CHRNA4: variants seen among roughly 807,000 people sequenced by gnomAD.
CHRNA4 encodes the protein neuronal acetylcholine receptor subunit alpha-4.
In CHRNA4, 28 loss-of-function variants were observed where a neutral mutation model predicts 48.9. The ratio of observed to expected loss-of-function variants is 0.57; its 90% CI spans 0.42 to 0.79. The LOEUF (loss-of-function observed/expected upper bound fraction) is 0.79, where lower values mean the gene tolerates loss of function less well. Ranked by LOEUF, CHRNA4 falls within the 30% of genes least tolerant of loss-of-function variation. The pLI is 0.00. For missense variants in CHRNA4, 859 were observed against 898.4 expected, an observed-to-expected ratio of 0.96 and a Z score of 0.56; for synonymous variants, 425 against 402.3, an observed-to-expected ratio of 1.06 and a Z score of -0.68.
intron 2 of CHRNA4, chr20:63,356,728 C>T: frequency 2.0e-6 from 1 of 494,898 alleles, no homozygotes; most frequent in South Asian, 2.0e-5. Context: ...TTCTGCCCAC[C>T]TGCCTTGCTC....
intron 2 of CHRNA4, 33 bp from the exon 3 acceptor site, chr20:63,356,448 CCCCTTGGTGTCTTTCTCTGG>C: frequency 7.0e-6 from 11 of 1,579,474 alleles, no homozygotes; most frequent in Non-Finnish European, 8.6e-6. Context: ...GGGCCAGTGA[CCCCTTGGTGTCTTTCTCTGG>C]CCCTAGGTTT....
At position 63,346,746 on chromosome 20, in the gene CHRNA4, T is replaced by C; in HGVS notation, c.1876A>G (p.Met626Val). Residue 626 changes from methionine (M) to valine (V), a missense_variant, in exon 6 of 6, where the codon ATG (methionine) becomes GTG (valine). Transcript: ENST00000370263. Reference protein sequence around the residue: ...GLFLPPWLAGMI With the variant: ...GLFLPPWLAGVI ...AGGCTCCCGGTCCCTTCCTAGATCA[T>C]GCCAGCCAGCCAGGGCGGCAGGAAG... is the stretch of plus-strand genomic sequence containing the variant. The C allele has an allele frequency of 6.2e-7, 1 of 1,609,610 alleles. No individual in the cohort carries two copies. Among genetic ancestry groups the C allele is most frequent in the East Asian group, 2.2e-5 (1 of 44,842 alleles).
chr20:63,358,035 C>T (rs2068745312), intron 2 of CHRNA4, among the ~76,000 whole-genome samples: 1 of 152,196 alleles, frequency 6.6e-6, no homozygotes, highest in South Asian at 2.1e-4. Context: ...GCCGCCTCTG[C>T]CAGCTATCAC....
intron 5 of CHRNA4, among the ~76,000 whole-genome samples, chr20:63,347,698 C>T (rs2068518570): frequency 6.6e-6 from 1 of 152,224 alleles, no homozygotes; most frequent in Admixed American, 6.5e-5. Context: ...TCTGGCTCTG[C>T]CGTGTAGGAC....
chr20:63,361,017 C>T, intron 1 of CHRNA4, 73 bp downstream of exon 1: 1 of 1,215,404 alleles, frequency 8.2e-7, no homozygotes, highest in Non-Finnish European at 1.1e-6. Flanking sequence ...GAGCCTGCCT[C>T]CCTCTGGCTC....
At position 63,350,676 on chromosome 20, in the gene CHRNA4, G is replaced by A. The variant is rs1206748246; in HGVS notation, c.735C>T (p.Phe245=). 7 of 1,613,946 alleles carry A rather than the reference G, an allele frequency of 4.3e-6. No individual in the cohort carries two copies. The highest frequency in any genetic ancestry group is 5.9e-6 in the Non-Finnish European group (7 of 1,180,030). The change falls in exon 5 of 6, where the codon TTC becomes TTT. Residue 245 remains phenylalanine, a synonymous_variant. Transcript: ENST00000370263. ...YAFVIRRLPL[F]YTINLIIPCL... is the part of the protein sequence containing the mutation. ...AGGGGATGATGAGGTTGATGGTGTA[G>A]AAGAGCGGCAGCCGCCGGATGACGA... is the stretch of plus-strand genomic sequence containing the variant.
intron 5 of CHRNA4, 25 bp from the exon 6 acceptor site, chr20:63,346,888 C>T: frequency 6.2e-7 from 1 of 1,611,734 alleles, no homozygotes; most frequent in Non-Finnish European, 8.5e-7. Flanking sequence ...GCCGTCACTC[C>T]AGCACGGCCC....
rs1334144628 is a variant in CHRNA4 at position 63,361,283 on chromosome 20, C to G, written c.-118G>C. 1.5e-6 allele frequency: 2 copies of G among 1,365,468 alleles called. No homozygotes were observed. Among genetic ancestry groups the G allele is most frequent in the Admixed American group, 3.2e-5 (1 of 30,958 alleles). The allele number at this position is 1,365,468 out of a possible 1,614,324, so 84.6% of individuals were successfully genotyped here. A position where few individuals can be genotyped will look rare whatever the true frequency, so the allele number is the denominator to read the frequency against. ...CTCGCGGGCCGCTTCGGCCGCCGGG[C>G]CCGGTTCGTCTTCTCCTGTGGGGCG... On this transcript the variant is annotated 5_prime_UTR_variant, in exon 1 of 6. Coordinates refer to ENST00000370263, the MANE Select transcript of CHRNA4 (RefSeq NM_000744.7).
Position 63,345,823 on chromosome 20 carries a change from G to A in CHRNA4, c.*915C>T. ...AGGTGGAAACCCTCAGGGTCCTGGG[G>A]GAACCAGGGCCCAGGTCTGGACTCC... On this transcript the variant is annotated 3_prime_UTR_variant, in exon 6 of 6. Transcript: ENST00000370263. This position sits in a 1 kb window ranked among gnomAD's most constrained non-coding sequence, Gnocchi z 5.4. 1 of 449,234 alleles carries A rather than the reference G, an allele frequency of 2.2e-6. No individual in the cohort carries two copies. Among genetic ancestry groups the A allele is most frequent in the Non-Finnish European group, 4.5e-6 (1 of 223,128 alleles). 27.8% of individuals were successfully genotyped at this position (449,234 alleles called of 1,614,324 possible).
Position 63,345,664 on chromosome 20 carries a change from C to T in CHRNA4, c.*1074G>A, listed in dbSNP as rs2068480141. On this transcript the variant is annotated 3_prime_UTR_variant, in exon 6 of 6. Coordinates refer to ENST00000370263, the MANE Select transcript of CHRNA4 (RefSeq NM_000744.7). The surrounding 1 kb of genome is among the most constrained non-coding windows in gnomAD (Gnocchi z 5.4). ...TCCCATGAGGCTTCTCAGGGACTTC[C>T]TGCCCCGAGGGTCCCAGCATCTCCC... The T allele has an allele frequency of 2.2e-6, 1 of 453,826 alleles. No individual in the cohort carries two copies. Among genetic ancestry groups the T allele is most frequent in the African/African-American group, 2.0e-5 (1 of 49,990 alleles). 28.1% of individuals were successfully genotyped at this position (453,826 alleles called of 1,614,324 possible).
Position 63,349,874 on chromosome 20 carries a change from G to C in CHRNA4, c.1537C>G (p.Arg513Gly). Residue 513 changes from arginine (R) to glycine (G), a missense_variant, in exon 5 of 6, where the codon CGC (arginine) becomes GGC (glycine). Arg to Gly is a moderately radical substitution (Grantham distance 125). This residue lies in a region of CHRNA4 where 478 missense variants were observed against 455.4 expected (regional missense o/e 1.05). Coordinates refer to ENST00000370263, the MANE Select transcript of CHRNA4 (RefSeq NM_000744.7). ...DGQAAGALAS[R>G]NTHSAELPPP... Reference sequence around the variant, plus strand: ...GGGAGCTCAGCCGAGTGGGTGTTGCGAGAGGCCAGGGCGCCGGCAGCCTGG... The same window carrying C: ...GGGAGCTCAGCCGAGTGGGTGTTGCCAGAGGCCAGGGCGCCGGCAGCCTGG... 6.3e-7 allele frequency: 1 copy of C among 1,594,004 alleles called. No homozygotes were observed. The highest frequency in any genetic ancestry group is 1.3e-5 in the African/African-American group (1 of 74,662).
rs2068486440 is a variant in CHRNA4, at chr20:63,345,967, CAG to C, written c.*769_*770del. 2.2e-6 allele frequency: 1 copy of C among 453,984 alleles called. No homozygotes were observed. The highest frequency in any genetic ancestry group is 2.3e-5 in the Admixed American group (1 of 42,564). 28.1% of individuals were successfully genotyped at this position (453,984 alleles called of 1,614,324 possible). A position where few individuals can be genotyped will look rare whatever the true frequency, so the allele number is the denominator to read the frequency against. On this transcript the variant is annotated 3_prime_UTR_variant, in exon 6 of 6. Transcript: ENST00000370263. The surrounding 1 kb of genome is among the most constrained non-coding windows in gnomAD (Gnocchi z 5.4). ...GAGCCCTGGCCCTACGCCTGGAAGG[CAG>C]AGTCCTGGTCTCCAGACTCGCTGGG...
At chr20:63,357,091 C>T (rs980910409) in intron 2 of CHRNA4, among the ~76,000 whole-genome samples, 2 of 150,568 alleles carry the variant, frequency 1.3e-5, no homozygotes, top group Non-Finnish European at 3.0e-5. Context: ...CACAGAACCA[C>T]ATCCCCACAG....
intron 4 of CHRNA4, chr20:63,351,247 T>C (rs1266485266): frequency 1.4e-5 from 5 of 368,232 alleles, no homozygotes; most frequent in African/African-American, 7.3e-5. Flanking sequence ...CACGTCCACG[T>C]CCACGTCCAC....
Position 63,359,565 on chromosome 20 carries a change from C to T in CHRNA4, c.211G>A (p.Ala71Thr), listed in dbSNP as rs200527878. The T allele has an allele frequency of 1.7e-5, 27 of 1,612,708 alleles. No individual in the cohort carries two copies. Among genetic ancestry groups the T allele is most frequent in the Non-Finnish European group, 1.9e-5 (22 of 1,179,924 alleles). Residue 71 changes from alanine to threonine, a missense_variant, in exon 2 of 6, where the codon GCT becomes ACT. Physicochemically the swap from Ala to Thr is moderately conservative, Grantham distance 58 (BLOSUM62 0). Coordinates refer to ENST00000370263, the MANE Select transcript of CHRNA4 (RefSeq NM_000744.7). ...VVLVRFGLSI[A>T]QLIDVDEKNQ... ...TCACCTACCACGTCAATGAGCTGAG[C>T]GATGGACAGGCCGAAGCGGACGAGG...
chr20:63,359,489 CCT>C lies in CHRNA4; in HGVS notation c.228+57_228+58del, dbSNP rs1232380728. The C allele has an allele frequency of 4.4e-6, 7 of 1,606,964 alleles. No homozygotes were observed. The Admixed American group carries it at 1.2e-4, about 27-fold the overall frequency. On this transcript the variant is annotated intron_variant, in intron 2 of 5. Coordinates refer to ENST00000370263, the MANE Select transcript of CHRNA4 (RefSeq NM_000744.7). ...TGTGTCCCCTCTGCCCACCCAGACC[CCT>C]GTGCTCCTTGCAGGGCGACCTCAGT...
Position 63,343,519 on chromosome 20 carries a change from G to A in CHRNA4, c.*3219C>T, listed in dbSNP as rs2068437327. The A allele has an allele frequency of 2.2e-6, 1 of 454,166 alleles. No individual in the cohort carries two copies. Among genetic ancestry groups the A allele is most frequent in the Admixed American group, 2.3e-5 (1 of 42,580 alleles). The allele number at this position is 454,166 out of a possible 1,614,324, so 28.1% of individuals were successfully genotyped here. A position where few individuals can be genotyped will look rare whatever the true frequency, so the allele number is the denominator to read the frequency against. On this transcript the variant is annotated 3_prime_UTR_variant, in exon 6 of 6. Transcript: ENST00000370263. The stretch of plus-strand genomic sequence containing the variant: ...AGTCCCACAGCAGCTGCGTGCCCTA[G>A]AGTGTCCTGGGCCCGGCCTTAACTT...
intron 4 of CHRNA4, chr20:63,355,625 G>T: frequency 7.6e-7 from 1 of 1,307,604 alleles, no homozygotes; most frequent in Non-Finnish European, 1.0e-6. Flanking sequence ...AGACGTCGCG[G>T]GTCAGGAGCC....
At position 63,350,263 on chromosome 20, in the gene CHRNA4, C is replaced by T. The variant is rs762374374; in HGVS notation, c.1148G>A (p.Arg383His). Residue 383 changes from arginine (R) to histidine (H), a missense_variant, in exon 5 of 6, where the codon CGC becomes CAC. By Grantham distance (29) the Arg-to-His change is conservative. This residue lies in a region of CHRNA4 where 478 missense variants were observed against 455.4 expected (regional missense o/e 1.05). Coordinates refer to ENST00000370263, the MANE Select transcript of CHRNA4 (RefSeq NM_000744.7). ...CTCCCCTTCTGGCTCGGGCCAGAAG[C>T]GCGGGGCACTGGCCATCTTATGCAT... is the stretch of plus-strand genomic sequence containing the variant. The part of the protein sequence containing the change: ...ESMHKMASAP[R>H]FWPEPEGEPP... 89 of 1,610,974 alleles carry T rather than the reference C, an allele frequency of 5.5e-5. No homozygotes were observed. The highest frequency in any genetic ancestry group is 3.3e-4 in the Middle Eastern group (2 of 6,080).
Sources: allele counts gnomAD v4.1 joint callset (sites outside exome capture counted in the v4.1 genomes callset), GRCh38; gene constraint gnomAD v4.1.1; regional missense constraint gnomAD v4.1.1; non-coding constraint Gnocchi (gnomAD v3.1); transcripts MANE v1.5; gene names NCBI Gene and HGNC (gene_info 2026-07-23, HGNC 2026-07-21).